Variants in IL11 observed in about 807,000 individuals in gnomAD.
IL11 encodes the protein interleukin 11.
In IL11, 17 loss-of-function variants were observed where a neutral mutation model predicts 18.1. The ratio of observed to expected loss-of-function variants is 0.94; its 90% CI spans 0.64 to 1.41. The LOEUF is 1.41. Ranked by LOEUF, IL11 falls within the 40% of genes most tolerant of loss-of-function variation. The pLI, the probability that IL11 is intolerant of heterozygous loss-of-function variation, is 0.00. For synonymous variants in IL11, 144 were observed against 134.1 expected, an observed-to-expected ratio of 1.07 and a Z score of -0.51; for missense variants, 309 against 262.8, an observed-to-expected ratio of 1.18 and a Z score of -1.22.
chr19:55,366,820 A>C lies in IL11; in HGVS notation c.430-643T>G, dbSNP rs1044721506. Among the ~76,000 whole-genome samples, 4 of 151,972 alleles carry C rather than the reference A, an allele frequency of 2.6e-5. No individual in the cohort carries two copies. The highest frequency in any genetic ancestry group is 4.4e-5 in the Non-Finnish European group (3 of 67,990). On this transcript the variant is annotated intron_variant, in intron 4 of 4. Transcript: ENST00000264563. The surrounding 1 kb of genome is among the most constrained non-coding windows in gnomAD (Gnocchi z 4.6). ...GAGCGCGAGACTCTGTCTCCAAAAA[A>C]TAATAATAATAATAATAATTAAGAA...
Position 55,368,231 on chromosome 19 carries a change from C to T in IL11, c.408G>A (p.Leu136=), listed in dbSNP as rs1360201869. The T allele has an allele frequency of 9.8e-6, 15 of 1,535,152 alleles. No individual in the cohort carries two copies. The South Asian group carries it at 1.8e-4, about 18-fold the overall frequency. ...ATACCAGGAGCTGCAGCCGGCGCAGCAGCCGGTCCAGTCGGGCCTGCAGGG... is the reference window on the plus strand; with the variant it reads ...ATACCAGGAGCTGCAGCCGGCGCAGTAGCCGGTCCAGTCGGGCCTGCAGGG... ...LGTLQARLDR[L]LRRLQLLMSR... is the part of the protein sequence containing the mutation. The change falls in exon 4 of 5, where the codon CTG becomes CTA. Residue 136 remains leucine, a synonymous_variant. Transcript: ENST00000264563.
chr19:55,369,945 G>A lies in IL11; in HGVS notation c.7+359C>T, dbSNP rs2089812257. On this transcript the variant is annotated intron_variant, in intron 1 of 4. Coordinates refer to ENST00000264563, the MANE Select transcript of IL11 (RefSeq NM_000641.4). This position sits in a 1 kb window ranked among gnomAD's most constrained non-coding sequence, Gnocchi z 6.1. Reference sequence around the variant, plus strand: ...CGGAGCCTCTCTGCCGGAATCCCAGGGAGTCTCCCGGTCCCCGCGGGCTCC... The same window carrying A: ...CGGAGCCTCTCTGCCGGAATCCCAGAGAGTCTCCCGGTCCCCGCGGGCTCC... Among the ~76,000 whole-genome samples the A allele has an allele frequency of 1.3e-5, 2 of 151,904 alleles. No individual in the cohort carries two copies. Among genetic ancestry groups the A allele is most frequent in the African/African-American group, 2.4e-5 (1 of 41,368 alleles).
chr19:55,366,102 C>T lies in IL11; in HGVS notation c.505G>A (p.Gly169Arg), dbSNP rs756022193. The T allele has an allele frequency of 1.9e-6, 3 of 1,572,072 alleles. No homozygotes were observed. The highest frequency in any genetic ancestry group is 4.7e-5 in the East Asian group (2 of 42,874). ...ATGGCGTGGGCGGCCCTGATGCCCC[C>T]CCAGGCTGAGGAGGGGGGCGCCAGC... ...PPLAPPSSAW[G>R]GIRAAHAILG... The change falls in exon 5 of 5, where the codon GGG (glycine) becomes AGG (arginine). Residue 169 changes from glycine to arginine, a missense_variant. Transcript: ENST00000264563. This position sits in a 1 kb window ranked among gnomAD's most constrained non-coding sequence, Gnocchi z 4.6.
rs60803591 is a variant in IL11 at position 55,367,453 on chromosome 19, T to C, written c.429+757A>G. Among the ~76,000 whole-genome samples the C allele has an allele frequency of 4.9e-3, 666 of 135,464 alleles. 8 individuals are homozygous for C. Among genetic ancestry groups the C allele is most frequent in the African/African-American group, 0.017 (641 of 37,056 alleles). 88.9% of individuals were successfully genotyped at this position (135,464 alleles called of 152,430 possible). A position where few individuals can be genotyped will look rare whatever the true frequency, so the allele number is the denominator to read the frequency against. On this transcript the variant is annotated intron_variant, in intron 4 of 4. Coordinates refer to ENST00000264563, the MANE Select transcript of IL11 (RefSeq NM_000641.4). ...GGTCCATGGTTTTCTTTTCCTTCTT[T>C]TTTTTTTTTTTTTTTTTTTTGAGAG...
Position 55,368,309 on chromosome 19 carries a change from C to A in IL11, c.330G>T (p.Trp110Cys). The change falls in exon 4 of 5, where the codon TGG (tryptophan) becomes TGT (cysteine). Residue 110 changes from tryptophan (W) to cysteine (C), a missense_variant. Trp to Cys is a radical substitution (Grantham distance 215). Transcript: ENST00000264563. ...GGGAAGAGCCACCTGCCCGGCGCAG[C>A]CACTGCACGTGCCGCAGGTAGGACA... The part of the protein sequence containing the change: ...DLLSYLRHVQ[W>C]LRRAGGSSLK... 6.3e-7 allele frequency: 1 copy of A among 1,589,520 alleles called. No homozygotes were observed. Among genetic ancestry groups the A allele is most frequent in the Non-Finnish European group, 8.6e-7 (1 of 1,167,232 alleles).
In IL11 at chr19:55,369,032, G is replaced by C; in HGVS notation, c.8-91C>G. On this transcript the variant is annotated intron_variant, in intron 1 of 4. Transcript: ENST00000264563. The surrounding 1 kb of genome is among the most constrained non-coding windows in gnomAD (Gnocchi z 6.1). ...TGGACTCCCGGGTCTGAGGGAGGAG[G>C]AACTGGGGTCTGGACTCCTCCTGGG... The C allele has an allele frequency of 1.7e-6, 2 of 1,203,582 alleles. No homozygotes were observed. The highest frequency in any genetic ancestry group is 5.2e-5 in the East Asian group (2 of 38,174). 74.6% of individuals were successfully genotyped at this position (1,203,582 alleles called of 1,614,324 possible).
rs933118010 is a variant in IL11, at chr19:55,369,836, C to A, written c.7+468G>T. 1.3e-5 allele frequency among the ~76,000 whole-genome samples: 2 copies of A among 151,964 alleles called. No individual in the cohort carries two copies. The highest frequency in any genetic ancestry group is 2.4e-5 in the African/African-American group (1 of 41,432). On this transcript the variant is annotated intron_variant, in intron 1 of 4. Transcript: ENST00000264563. The surrounding 1 kb of genome is among the most constrained non-coding windows in gnomAD (Gnocchi z 6.1). ...CCCGGCTCTCCCCGCTTTCCCCCCG[C>A]GCCCAGTCTCTCTCCTCCCCCCGGC...
At position 55,366,065 on chromosome 19, in the gene IL11, A is replaced by G; in HGVS notation, c.542T>C (p.Leu181Pro). 1 of 1,599,976 alleles carries G rather than the reference A, an allele frequency of 6.3e-7. No individual in the cohort carries two copies. Among genetic ancestry groups the G allele is most frequent in the Non-Finnish European group, 8.5e-7 (1 of 1,174,490 alleles). ...IRAAHAILGGLHLTLDWAVRG... is the reference protein window; with the variant it reads ...IRAAHAILGGPHLTLDWAVRG... ...CACGGCCCAGTCAAGTGTCAGGTGC[A>G]GCCCCCCCAGGATGGCGTGGGCGGC... is the stretch of plus-strand genomic sequence containing the variant. Residue 181 changes from leucine (L) to proline (P), a missense_variant, in exon 5 of 5, where the codon CTG becomes CCG. Leu to Pro is a moderately conservative substitution (Grantham distance 98). Transcript: ENST00000264563. This position sits in a 1 kb window ranked among gnomAD's most constrained non-coding sequence, Gnocchi z 4.6.
rs749604182 is a variant in IL11 at position 55,368,267 on chromosome 19, G to C, written c.372C>G (p.Pro124=). ...AGGSSLKTLE[P]ELGTLQARLD... ...GTCGGGCCTGCAGGGTGCCCAGCTC[G>C]GGCTCCAGGGTCTTCAGGGAAGAGC... Residue 124 remains proline (P), a synonymous_variant, in exon 4 of 5, where the codon CCC becomes CCG. Coordinates refer to ENST00000264563, the MANE Select transcript of IL11 (RefSeq NM_000641.4). 1.7e-5 allele frequency: 27 copies of C among 1,553,238 alleles called. No individual in the cohort carries two copies. In the South Asian group the frequency reaches 2.8e-4, roughly 16 times the overall value.
Position 55,370,342 on chromosome 19 carries a change from G to T in IL11, c.-32C>A, listed in dbSNP as rs1676911688. The T allele has an allele frequency of 7.1e-7, 1 of 1,410,940 alleles. No individual in the cohort carries two copies. 87.4% of individuals were successfully genotyped at this position (1,410,940 alleles called of 1,614,324 possible). ...ACAGGGCCAGGGGTTCCCCAGGGCA[G>T]GGGGCAGGGAGCCGGGGGCCTTTAA... On this transcript the variant is annotated 5_prime_UTR_variant, in exon 1 of 5. It adds an upstream start codon to the 5' untranslated region. Transcript: ENST00000264563.
chr19:55,364,446 G>A lies in IL11; in HGVS notation c.*1561C>T, dbSNP rs765870593. The A allele has an allele frequency of 1.3e-5, 2 of 152,120 alleles. No homozygotes were observed. Among genetic ancestry groups the A allele is most frequent in the Non-Finnish European group, 1.5e-5 (1 of 68,028 alleles). The allele number at this position is 152,120 out of a possible 1,614,324, so 9.4% of individuals were successfully genotyped here. Reference sequence around the variant, plus strand: ...GTGTCATGCAAAATACACAGTCATGGCAGAAATTCTGTAAAATACAGACAA... The same window carrying A: ...GTGTCATGCAAAATACACAGTCATGACAGAAATTCTGTAAAATACAGACAA... On this transcript the variant is annotated 3_prime_UTR_variant, in exon 5 of 5. Coordinates refer to ENST00000264563, the MANE Select transcript of IL11 (RefSeq NM_000641.4).
At position 55,369,617 on chromosome 19, in the gene IL11, G is replaced by GGCGGGGGGC. The variant is rs374283886; in HGVS notation, c.7+678_8-677dup. Among the ~76,000 whole-genome samples, 340 of 143,884 alleles carry GGCGGGGGGC rather than the reference G, an allele frequency of 2.4e-3. No individual in the cohort carries two copies. The highest frequency in any genetic ancestry group is 3.6e-3 in the Non-Finnish European group (235 of 65,694). 94.4% of individuals were successfully genotyped at this position (143,884 alleles called of 152,430 possible). On this transcript the variant is annotated intron_variant, in intron 1 of 4. Coordinates refer to ENST00000264563, the MANE Select transcript of IL11 (RefSeq NM_000641.4). This position sits in a 1 kb window ranked among gnomAD's most constrained non-coding sequence, Gnocchi z 6.1. The stretch of plus-strand genomic sequence containing the variant: ...GGGCCGCGGGAGCGGGAGAGCTGGC[G>GGCGGGGGGC]GCGGGGGGCGCGGGGGGCGCGGGGG...
Position 55,365,920 on chromosome 19 carries a change from T to C in IL11, c.*87A>G. 2 of 1,528,220 alleles carry C rather than the reference T, an allele frequency of 1.3e-6. No homozygotes were observed. Among genetic ancestry groups the C allele is most frequent in the Non-Finnish European group, 1.8e-6 (2 of 1,137,182 alleles). The allele number at this position is 1,528,220 out of a possible 1,614,324, so 94.7% of individuals were successfully genotyped here. A position where few individuals can be genotyped will look rare whatever the true frequency, so the allele number is the denominator to read the frequency against. On this transcript the variant is annotated 3_prime_UTR_variant, in exon 5 of 5. Coordinates refer to ENST00000264563, the MANE Select transcript of IL11 (RefSeq NM_000641.4). ...CTAGGGGGAGATAATGGCGGGGGGA[T>C]CACCTGGCTGTTTCGCCCCCAGTAC...
At position 55,368,369 on chromosome 19, in the gene IL11, G is replaced by C; in HGVS notation, c.270C>G (p.Leu90=). ...MSAGALGALQ[L]PGVLTRLRAD... is the part of the protein sequence containing the mutation. ...CTCGCAGCCTTGTCAGCACACCTGG[G>C]AGCTGGGGATAGAGCCGGGACATCA... Residue 90 remains leucine, a splice_region_variant and synonymous_variant, in exon 4 of 5, where the codon CTC becomes CTG. Coordinates refer to ENST00000264563, the MANE Select transcript of IL11 (RefSeq NM_000641.4). The C allele has an allele frequency of 6.3e-7, 1 of 1,595,834 alleles. No homozygotes were observed. Among genetic ancestry groups the C allele is most frequent in the Non-Finnish European group, 8.6e-7 (1 of 1,166,698 alleles).
chr19:55,368,877 T>TGGCCCAGGGGCGACAGCTGTA lies in IL11; in HGVS notation c.51_71dup (p.Thr18_Pro24dup), dbSNP rs1295709552. The TGGCCCAGGGGCGACAGCTGTA allele has an allele frequency of 1.3e-6, 2 of 1,570,906 alleles. No homozygotes were observed. The highest frequency in any genetic ancestry group is 1.7e-6 in the Non-Finnish European group (2 of 1,158,018). The stretch of plus-strand genomic sequence containing the variant: ...GGGAAACTCGAGGGGGGCCAGGTGG[T>TGGCCCAGGGGCGACAGCTGTA]GGCCCAGGGGCGACAGCTGTATCTG... On this transcript the variant is annotated inframe_insertion, in exon 2 of 5. Transcript: ENST00000264563.
At position 55,370,349 on chromosome 19, in the gene IL11, G is replaced by T; in HGVS notation, c.-39C>A. ...CAGGGGTTCCCCAGGGCAGGGGGCA[G>T]GGAGCCGGGGGCCTTTAACCCTTCC... On this transcript the variant is annotated 5_prime_UTR_variant, in exon 1 of 5. The change creates a new upstream start codon in the 5' untranslated region. Coordinates refer to ENST00000264563, the MANE Select transcript of IL11 (RefSeq NM_000641.4). The T allele has an allele frequency of 1.4e-6, 2 of 1,403,112 alleles. No homozygotes were observed. The highest frequency in any genetic ancestry group is 1.5e-5 in the African/African-American group (1 of 66,970). 86.9% of individuals were successfully genotyped at this position (1,403,112 alleles called of 1,614,324 possible).
At position 55,368,856 on chromosome 19, in the gene IL11, A is replaced by G. The variant is rs753476624; in HGVS notation, c.93T>C (p.Val31=). Residue 31 remains valine (V), a synonymous_variant, in exon 2 of 5, where the codon GTT becomes GTC. Transcript: ENST00000264563. ...APGPPPGPPR[V]SPDPRAELDS... is the part of the protein sequence containing the mutation. ...CCAGCTCGGCCCGAGGGTCTGGGGA[A>G]ACTCGAGGGGGGCCAGGTGGTGGCC... 13 of 1,582,654 alleles carry G rather than the reference A, an allele frequency of 8.2e-6. No individual in the cohort carries two copies. Among genetic ancestry groups the G allele is most frequent in the Non-Finnish European group, 1.1e-5 (13 of 1,164,682 alleles).
chr19:55,368,666 GC>G, intron 2 of IL11, 97 bp from the exon 3 acceptor site: 1 of 1,485,472 alleles, frequency 6.7e-7, no homozygotes, highest in Non-Finnish European at 9.1e-7. Context: ...CCCTCACTCT[GC>G]CACCTGAGAG....
rs2089812015 is a variant in IL11, at chr19:55,369,902, C to G, written c.7+402G>C. Among the ~76,000 whole-genome samples, 1 of 152,016 alleles carries G rather than the reference C, an allele frequency of 6.6e-6. No individual in the cohort carries two copies. The highest frequency in any genetic ancestry group is 1.5e-5 in the Non-Finnish European group (1 of 67,958). On this transcript the variant is annotated intron_variant, in intron 1 of 4. Transcript: ENST00000264563. The surrounding 1 kb of genome is among the most constrained non-coding windows in gnomAD (Gnocchi z 6.1). The stretch of plus-strand genomic sequence containing the variant: ...CTGGCTTGCTCCGCTCTCCGCGGAC[C>G]CTGCCTCAGTTTCCCTCCGGAGCCT...
Sources: gnomAD v4.1 joint callset for allele counts (sites outside exome capture counted in the v4.1 genomes callset) on GRCh38, gnomAD v4.1.1 for gene constraint, Gnocchi (gnomAD v3.1) non-coding constraint, MANE v1.5 for transcripts, NCBI Gene and HGNC (gene_info 2026-07-23, HGNC 2026-07-21) for gene names.